The following MOV10 variants were observed in gnomAD, a reference collection of about 807,000 sequenced individuals.
MOV10 encodes the protein Mov10 RNA helicase, also known as RNA helicase MOV-10.
Under a neutral mutation model 108.4 loss-of-function variants are expected in MOV10, and 39 were observed. That is an observed-to-expected ratio of 0.36 (90% CI 0.28 to 0.47). The LOEUF is 0.47. MOV10 is among the 20% of genes least tolerant of loss of function. The pLI, the probability that MOV10 is intolerant of heterozygous loss-of-function variation, is 1.00. For missense variants in MOV10, 952 were observed against 1,297.6 expected (o/e 0.73, Z 4.09); for synonymous variants, 490 against 523.1 (o/e 0.94, Z 0.86).
intron 14 of MOV10, 84 bp from the exon 15 acceptor site, chr1:112,697,910 G>T: frequency 9.0e-7 from 1 of 1,110,592 alleles, no homozygotes; most frequent in South Asian, 1.3e-5. Context: ...TATTGTGTGT[G>T]GGCCCAGAGT....
intron 2 of MOV10, among the ~76,000 whole-genome samples, chr1:112,678,284 A>G (rs1378833823): frequency 6.6e-6 from 1 of 152,124 alleles, no homozygotes; most frequent in African/African-American, 2.4e-5. Context: ...TGTATGGGGT[A>G]AGGACTGATG....
At position 112,700,208 on chromosome 1, in the gene MOV10, G is replaced by C; in HGVS notation, c.2799-11G>C. On this transcript the variant is annotated splice_polypyrimidine_tract_variant and intron_variant, in intron 19 of 20. Transcript: ENST00000369645. ...CTCCAGTCTCTGCTGGCACTCCTCT[G>C]TACCCCACAGATTCCTGGAGTTCTG... The C allele has an allele frequency of 6.2e-7, 1 of 1,613,932 alleles. No individual in the cohort carries two copies. Among genetic ancestry groups the C allele is most frequent in the Non-Finnish European group, 8.5e-7 (1 of 1,179,862 alleles).
At chr1:112,696,370 G>T (rs1674089318) in intron 12 of MOV10, 67 bp from the exon 13 acceptor site, 1 of 1,459,296 alleles carries the variant, frequency 6.9e-7, no homozygotes, top group African/African-American at 1.4e-5. Flanking sequence ...AAGCCAGCCT[G>T]GGAAAGCATT....
In MOV10 at chr1:112,675,036, G is replaced by C; in HGVS notation, c.124G>C (p.Asp42His). Residue 42 changes from aspartate (D) to histidine (H), a missense_variant, in exon 2 of 21, where the codon GAC becomes CAC. Physicochemically the swap from Asp to His is moderately conservative, Grantham distance 81 (BLOSUM62 -1). Around this residue, in one of 5 missense-constraint regions of MOV10, gnomAD observed 374 missense variants for 468.6 expected, o/e 0.80. Transcript: ENST00000369645. This position sits in a 1 kb window ranked among gnomAD's most constrained non-coding sequence, Gnocchi z 4.7. ...RERLRTIYNR[D>H]FKISFGTPAP... The stretch of plus-strand genomic sequence containing the variant: ...GCGGCTGCGGACCATTTATAACCGC[G>C]ACTTCAAGATCAGGTACGGGCCGGC... 6.3e-7 allele frequency: 1 copy of C among 1,594,330 alleles called. No individual in the cohort carries two copies. The highest frequency in any genetic ancestry group is 8.5e-7 in the Non-Finnish European group (1 of 1,171,024).
chr1:112,681,857 T>G (rs1225021667), intron 2 of MOV10, among the ~76,000 whole-genome samples: 1 of 151,014 alleles, frequency 6.6e-6, no homozygotes, highest in African/African-American at 2.5e-5. Context: ...GAGTTCAAAA[T>G]TTATGTTATG....
chr1:112,699,602 C>T lies in MOV10; in HGVS notation c.2584-83C>T, dbSNP rs544002749. ...AATTGCCCAGTGACCTCTCTGTACC[C>T]TCCTTGGAAGGCAAGCTCCCTGGGG... On this transcript the variant is annotated intron_variant, in intron 17 of 20. Transcript: ENST00000369645. The T allele has an allele frequency of 1.1e-5, 17 of 1,593,462 alleles. No homozygotes were observed. The Admixed American group carries it at 2.4e-4, about 23-fold the overall frequency.
In MOV10 at chr1:112,689,894, C is replaced by G; in HGVS notation, c.632C>G (p.Pro211Arg). The change falls in exon 5 of 21, where the codon CCA (proline) becomes CGA (arginine). Residue 211 changes from proline to arginine, a missense_variant. This residue lies in a region of MOV10 where 374 missense variants were observed against 468.6 expected (regional missense o/e 0.80). Coordinates refer to ENST00000369645, the MANE Select transcript of MOV10 (RefSeq NM_001321324.2). ...AAGACCAGCTTTGTGGGCTACTTCC[C>G]AGCCACAGTGCTCTGGGAGCTGCTG... The part of the protein sequence containing the change: ...HCKTSFVGYF[P>R]ATVLWELLGP... The G allele has an allele frequency of 6.2e-7, 1 of 1,614,200 alleles. No homozygotes were observed. Among genetic ancestry groups the G allele is most frequent in the Non-Finnish European group, 8.5e-7 (1 of 1,180,046 alleles).
chr1:112,700,225 G>C lies in MOV10; in HGVS notation c.2805G>C (p.Leu935=). The C allele has an allele frequency of 6.2e-7, 1 of 1,613,990 alleles. No individual in the cohort carries two copies. The highest frequency in any genetic ancestry group is 8.5e-7 in the Non-Finnish European group (1 of 1,179,892). ...LGHDPDWKVF[L]EFCKENGGYT... is the part of the protein sequence containing the mutation. ...ACTCCTCTGTACCCCACAGATTCCT[G>C]GAGTTCTGTAAAGAAAACGGAGGGT... Residue 935 remains leucine (L), a synonymous_variant, in exon 20 of 21, where the codon CTG becomes CTC. Transcript: ENST00000369645.
In MOV10 at chr1:112,692,810, C is replaced by T. The variant is rs1673701829; in HGVS notation, c.1021C>T (p.Arg341Trp). 1.2e-6 allele frequency: 2 copies of T among 1,614,068 alleles called. No homozygotes were observed. The highest frequency in any genetic ancestry group is 1.1e-5 in the South Asian group (1 of 91,064). The change falls in exon 7 of 21, where the codon CGG becomes TGG. Residue 341 changes from arginine to tryptophan, a missense_variant. Around this residue, in one of 5 missense-constraint regions of MOV10, gnomAD observed 374 missense variants for 468.6 expected, o/e 0.80. Transcript: ENST00000369645. ...LKWRNYEVKLRLLLHLEELQM... is the reference protein window; with the variant it reads ...LKWRNYEVKLWLLLHLEELQM... ...GTGGAGGAACTATGAGGTGAAGCTG[C>T]GGCTGCTGCTGCACCTGGAGGAACT...
At position 112,699,798 on chromosome 1, in the gene MOV10, TAAG is replaced by T; in HGVS notation, c.2700_2702del (p.Lys900del). ...ATCTGGACTTTAATCTGGGTTTCCTTAAGAACCCCAAGGTTTGAGGGCTGGTCG... is the reference window on the plus strand; with the variant it reads ...ATCTGGACTTTAATCTGGGTTTCCTTAACCCCAAGGTTTGAGGGCTGGTCG... On this transcript the variant is annotated inframe_deletion, in exon 18 of 21. Transcript: ENST00000369645. 1 of 1,614,204 alleles carries T rather than the reference TAAG, an allele frequency of 6.2e-7. No homozygotes were observed. Among genetic ancestry groups the T allele is most frequent in the Non-Finnish European group, 8.5e-7 (1 of 1,180,026 alleles).
chr1:112,691,850 C>T (rs1163022310), intron 6 of MOV10, 51 bp downstream of exon 6: 1 of 1,583,932 alleles, frequency 6.3e-7, no homozygotes, highest in Non-Finnish European at 8.6e-7. Context: ...TACCTACTGG[C>T]TTCTTTGCAT....
At position 112,689,138 on chromosome 1, in the gene MOV10, G is replaced by A; in HGVS notation, c.341G>A (p.Arg114Lys). Residue 114 changes from arginine (R) to lysine (K), a missense_variant and splice_region_variant, in exon 3 of 21, where the codon AGG (arginine) becomes AAG (lysine). Arg to Lys is a conservative substitution (Grantham distance 26). Coordinates refer to ENST00000369645, the MANE Select transcript of MOV10 (RefSeq NM_001321324.2). ...KSLLAKIFYD[R>K]AEYLHGKHGV... ...CTGCTAGCCAAGATCTTTTATGACA[G>A]GTGTGTGTGTGTTGTATGTTGTGTG... The A allele has an allele frequency of 6.3e-7, 1 of 1,592,102 alleles. No individual in the cohort carries two copies. Among genetic ancestry groups the A allele is most frequent in the Non-Finnish European group, 8.6e-7 (1 of 1,168,890 alleles).
chr1:112,688,447 C>A, intron 2 of MOV10: 1 of 1,003,702 alleles, frequency 1.0e-6, no homozygotes, highest in Non-Finnish European at 1.2e-6. Context: ...TGCCCACACA[C>A]TTGGACATCT....
chr1:112,681,362 C>T (rs962239233), intron 2 of MOV10, among the ~76,000 whole-genome samples: 3 of 151,900 alleles, frequency 2.0e-5, no homozygotes, highest in African/African-American at 2.4e-5. Context: ...GGCGTGGTGG[C>T]GGGCGCCTGT....
At chr1:112,676,470 A>G (rs1212633538) in intron 2 of MOV10, among the ~76,000 whole-genome samples, 1 of 152,234 alleles carries the variant, frequency 6.6e-6, no homozygotes, top group African/African-American at 2.4e-5. Flanking sequence ...TAAAACAGTA[A>G]GGCTGACTTG....
rs1369985985 is a variant in MOV10, at chr1:112,696,174, G to C, written c.1806G>C (p.Lys602Asn). The C allele has an allele frequency of 6.2e-7, 1 of 1,613,784 alleles. No homozygotes were observed. The highest frequency in any genetic ancestry group is 1.7e-5 in the Admixed American group (1 of 59,990). Reference sequence around the variant, plus strand: ...CCTGCTGCAACTGGGACGCAAAGAAGGGGGAGTATGTATTTCCCGCCAAGA... The same window carrying C: ...CCTGCTGCAACTGGGACGCAAAGAACGGGGAGTATGTATTTCCCGCCAAGA... ...IKPCCNWDAK[K>N]GEYVFPAKKK... Residue 602 changes from lysine (K) to asparagine (N), a missense_variant, in exon 12 of 21, where the codon AAG becomes AAC. By Grantham distance (94) the Lys-to-Asn change is moderately conservative. Transcript: ENST00000369645.
In MOV10 at chr1:112,698,420, A is replaced by C; in HGVS notation, c.2450A>C (p.Lys817Thr). 6.2e-7 allele frequency: 1 copy of C among 1,614,168 alleles called. No individual in the cohort carries two copies. Among genetic ancestry groups the C allele is most frequent in the Non-Finnish European group, 8.5e-7 (1 of 1,180,022 alleles). Residue 817 changes from lysine to threonine, a missense_variant, in exon 16 of 21, where the codon AAG becomes ACG. By Grantham distance (78) the Lys-to-Thr change is moderately conservative. Coordinates refer to ENST00000369645, the MANE Select transcript of MOV10 (RefSeq NM_001321324.2). ...CTGCTCCTGGCCCCCTCCTCCAAGA[A>C]GGGCAAAGCTCGCCTGAGCCCTCGA... is the stretch of plus-strand genomic sequence containing the variant. ...LKLLLAPSSK[K>T]GKARLSPRSV...
chr1:112,678,456 A>G (rs1672370668), intron 2 of MOV10, among the ~76,000 whole-genome samples: 1 of 152,098 alleles, frequency 6.6e-6, no homozygotes, highest in South Asian at 2.1e-4. Context: ...CAGCAGTTAG[A>G]TAATTATTTA....
At position 112,696,813 on chromosome 1, in the gene MOV10, C is replaced by G. The variant is rs763080177; in HGVS notation, c.2165C>G (p.Pro722Arg). ...AAGAAGGGCCCTGATGGCTATGACC[C>G]CCAGTTCATAACCAAGCTGCTCCGC... ...LYKKGPDGYD[P>R]QFITKLLRNY... Residue 722 changes from proline to arginine, a missense_variant, in exon 14 of 21, where the codon CCC (proline) becomes CGC (arginine). Physicochemically the swap from Pro to Arg is moderately radical, Grantham distance 103. This residue lies in a region of MOV10 where 453 missense variants were observed against 611.5 expected (regional missense o/e 0.74). Coordinates refer to ENST00000369645, the MANE Select transcript of MOV10 (RefSeq NM_001321324.2). 3.1e-6 allele frequency: 5 copies of G among 1,603,894 alleles called. No homozygotes were observed. The South Asian group carries it at 5.6e-5, about 18-fold the overall frequency.
Sources: gnomAD v4.1 joint callset for allele counts (sites outside exome capture counted in the v4.1 genomes callset) on GRCh38, gnomAD v4.1.1 for gene constraint, gnomAD v4.1.1 regional missense constraint, Gnocchi (gnomAD v3.1) non-coding constraint, MANE v1.5 for transcripts, NCBI Gene and HGNC (gene_info 2026-07-23, HGNC 2026-07-21) for gene names.